The following LRBA variants were observed in gnomAD, a reference collection of about 807,000 sequenced individuals.
LRBA encodes lipopolysaccharide-responsive and beige-like anchor protein.
Under a neutral mutation model 330.0 loss-of-function variants are expected in LRBA, and 176 were observed. That is an observed-to-expected ratio of 0.53 (90% CI 0.47 to 0.60). LRBA has a LOEUF of 0.60. Among genes scored for constraint, LRBA ranks in the 20% least tolerant of loss-of-function variants. The pLI, the probability that LRBA is intolerant of heterozygous loss-of-function variation, is 0.00. For missense variants in LRBA, 3,259 were observed against 3,444.8 expected, an observed-to-expected ratio of 0.95 and a Z score of 1.35; for synonymous variants, 1,230 against 1,193.0, an observed-to-expected ratio of 1.03 and a Z score of -0.64.
chr4:150,543,901 A>C (rs764739479), intron 40 of LRBA, among the ~76,000 whole-genome samples: 1 of 152,114 alleles, frequency 6.6e-6, no homozygotes. Flanking sequence ...ACATGTTATG[A>C]CCTAAAGTTA....
intron 4 of LRBA, among the ~76,000 whole-genome samples, chr4:150,922,084 CTCCTGACTT>C (rs1733345025): frequency 6.6e-6 from 1 of 151,948 alleles, no homozygotes; most frequent in Non-Finnish European, 1.5e-5. Context: ...TGGTCTCAAA[CTCCTGACTT>C]CAAGTGATCC....
chr4:150,644,953 A>T (rs943539691), intron 37 of LRBA, among the ~76,000 whole-genome samples: 4 of 151,822 alleles, frequency 2.6e-5, no homozygotes, highest in Non-Finnish European at 4.4e-5. Context: ...CCTGCAAAAA[A>T]TATTGGAATT....
chr4:150,756,674 C>T (rs1002210316), intron 35 of LRBA, among the ~76,000 whole-genome samples: 2 of 152,010 alleles, frequency 1.3e-5, no homozygotes, highest in Non-Finnish European at 2.9e-5. Context: ...GTCCAATATA[C>T]ATAACAATGT....
At chr4:150,780,544 G>A (rs555639939) in intron 34 of LRBA, among the ~76,000 whole-genome samples, 135 of 78,668 alleles carry the variant, frequency 1.7e-3, no homozygotes, top group Non-Finnish European at 3.2e-3. Flanking sequence ...AATCCAGAAC[G>A]ACTCAGTAAC....
chr4:150,395,799 T>C (rs1744653324), intron 47 of LRBA, among the ~76,000 whole-genome samples: 1 of 152,216 alleles, frequency 6.6e-6, no homozygotes, highest in East Asian at 1.9e-4. Context: ...ATTCATTTCA[T>C]ATGGCACTTG....
chr4:150,697,349 A>AAAAAAAAAAC (rs1561527692), intron 36 of LRBA, among the ~76,000 whole-genome samples: 2 of 148,298 alleles, frequency 1.3e-5, no homozygotes, highest in African/African-American at 5.0e-5. Flanking sequence ...AAAAAAAAAA[A>AAAAAAAAAAC]AACAGGGAGA....
intron 43 of LRBA, among the ~76,000 whole-genome samples, chr4:150,469,987 A>G (rs1755892025): frequency 6.6e-6 from 1 of 152,152 alleles, no homozygotes; most frequent in Non-Finnish European, 1.5e-5. Context: ...GTTCAAGACC[A>G]GCCTGGCCAA....
At chr4:150,623,777 C>T (rs1262970742) in intron 37 of LRBA, among the ~76,000 whole-genome samples, 1 of 151,392 alleles carries the variant, frequency 6.6e-6, no homozygotes, top group African/African-American at 2.4e-5. Flanking sequence ...AAGAATGTTC[C>T]CCACCTAGAT....
intron 34 of LRBA, among the ~76,000 whole-genome samples, chr4:150,790,258 A>G (rs1739703961): frequency 6.6e-6 from 1 of 152,204 alleles, no homozygotes; most frequent in Non-Finnish European, 1.5e-5. Context: ...CAGTTCCACA[A>G]AATTTACCTC....
chr4:150,578,199 G>C (rs1450619879), intron 40 of LRBA, among the ~76,000 whole-genome samples: 1 of 152,108 alleles, frequency 6.6e-6, no homozygotes. Context: ...ACTTTTCAAG[G>C]ACATGTTGAT....
rs752099479 is a variant in LRBA, at chr4:150,583,932, C to G, written c.6330+4116G>C. On this transcript the variant is annotated intron_variant, in intron 40 of 56. Transcript: ENST00000651943. The surrounding 1 kb of genome is among the most constrained non-coding windows in gnomAD (Gnocchi z 9.8). Reference sequence around the variant, plus strand: ...AGTCGTGCCTGGGCGACCGGCTCAACGGCATCCTGCTGCAGCTCATCTCCT... The same window carrying G: ...AGTCGTGCCTGGGCGACCGGCTCAAGGGCATCCTGCTGCAGCTCATCTCCT... The G allele has an allele frequency of 6.2e-7, 1 of 1,612,798 alleles. No homozygotes were observed. The highest frequency in any genetic ancestry group is 8.5e-7 in the Non-Finnish European group (1 of 1,179,414).
At chr4:150,638,593 C>A (rs1006732352) in intron 37 of LRBA, among the ~76,000 whole-genome samples, 3 of 151,528 alleles carry the variant, frequency 2.0e-5, no homozygotes, top group African/African-American at 7.3e-5. Context: ...CCAAAAAACA[C>A]ATGAAAAAAT....
At chr4:150,784,084 A>C (rs954030857) in intron 34 of LRBA, among the ~76,000 whole-genome samples, 8 of 152,234 alleles carry the variant, frequency 5.3e-5, no homozygotes, top group Admixed American at 5.2e-4. Flanking sequence ...CCCAAGTTTT[A>C]TTAAGGTATA....
At chr4:150,863,355 CT>C (rs1247154195) in intron 22 of LRBA, among the ~76,000 whole-genome samples, 1 of 151,982 alleles carries the variant, frequency 6.6e-6, no homozygotes, top group African/African-American at 2.4e-5. Context: ...ATTTTTCAAA[CT>C]TTTTTGTTAG....
At chr4:150,499,959 G>A (rs1760042460) in intron 40 of LRBA, among the ~76,000 whole-genome samples, 1 of 151,960 alleles carries the variant, frequency 6.6e-6, no homozygotes, top group African/African-American at 2.4e-5. Flanking sequence ...AGCAAGGAAA[G>A]TGAGGTGGGA....
At chr4:150,976,142 T>C (rs183323387) in intron 2 of LRBA, among the ~76,000 whole-genome samples, 1 of 135,404 alleles carries the variant, frequency 7.4e-6, no homozygotes, top group East Asian at 2.2e-4. Context: ...GCCACTGCAC[T>C]CCAGCTTGGG....
At chr4:150,356,128 A>G (rs1737810827) in intron 47 of LRBA, among the ~76,000 whole-genome samples, 1 of 152,058 alleles carries the variant, frequency 6.6e-6, no homozygotes, top group Non-Finnish European at 1.5e-5. Context: ...TATGATATAA[A>G]GTCCTTTCAA....
intron 2 of LRBA, among the ~76,000 whole-genome samples, chr4:150,950,174 T>A (rs1736678268): frequency 6.6e-6 from 1 of 152,168 alleles, no homozygotes; most frequent in Non-Finnish European, 1.5e-5. Context: ...GCTTGCTGGT[T>A]CAATCTAGCA....
At chr4:150,924,426 T>C (rs954293829) in intron 4 of LRBA, among the ~76,000 whole-genome samples, 3 of 151,914 alleles carry the variant, frequency 2.0e-5, no homozygotes, top group African/African-American at 7.3e-5. Context: ...GGTGGGAGGA[T>C]TGCTTGACCC....
Sources: allele counts gnomAD v4.1 joint callset (sites outside exome capture counted in the v4.1 genomes callset), GRCh38; gene constraint gnomAD v4.1.1; non-coding constraint Gnocchi (gnomAD v3.1); transcripts MANE v1.5; gene names NCBI Gene and HGNC (gene_info 2026-07-23, HGNC 2026-07-21).